Variants in KANK1 observed in about 807,000 individuals in gnomAD.
KANK1 encodes KN motif and ankyrin repeat domains 1.
In KANK1, 109 loss-of-function variants were observed where a neutral mutation model predicts 106.2. The ratio of observed to expected loss-of-function variants is 1.03; its 90% CI spans 0.88 to 1.20. The LOEUF (loss-of-function observed/expected upper bound fraction) is 1.20. Among genes scored for constraint, KANK1 ranks in the 50% most tolerant of loss-of-function variants. KANK1 has a pLI of 0.00. For synonymous variants in KANK1, 873 were observed against 652.2 expected (o/e 1.34, Z -5.16); for missense variants, 2,399 against 1,710.7 (o/e 1.40, Z -7.10).
intron 1 of KANK1, among the ~76,000 whole-genome samples, chr9:574,760 C>G (rs1340626980): frequency 6.7e-6 from 1 of 148,586 alleles, no homozygotes; most frequent in East Asian, 2.0e-4. Context: ...GAGGTTGAGG[C>G]AGGAGAATCG....
At chr9:714,141 A>G (rs936283669) in intron 3 of KANK1, among the ~76,000 whole-genome samples, 38 of 152,242 alleles carry the variant, frequency 2.5e-4, no homozygotes, top group East Asian at 1.9e-4. Context: ...TAGGCTGTGA[A>G]GATAGTGTGA....
intron 1 of KANK1, among the ~76,000 whole-genome samples, chr9:632,845 G>T (rs55688828): frequency 0.24 from 36,057 of 151,784 alleles, 4,417 homozygotes; most frequent in East Asian, 0.34. Context: ...ATGCGCCACC[G>T]CACCCGGCTA....
intron 1 of KANK1, among the ~76,000 whole-genome samples, chr9:582,770 G>C (rs1228187861): frequency 6.6e-6 from 1 of 152,198 alleles, no homozygotes; most frequent in East Asian, 1.9e-4. Flanking sequence ...TCTTCATCTA[G>C]AATTTCAGTA....
At chr9:708,232 G>A (rs1239281775) in intron 2 of KANK1, among the ~76,000 whole-genome samples, 1 of 141,158 alleles carries the variant, frequency 7.1e-6, no homozygotes, top group East Asian at 2.0e-4. Flanking sequence ...CCTGGAGACA[G>A]GTCTGGCTGC....
At chr9:706,817 C>G (rs962082787) in intron 2 of KANK1, 4 of 985,374 alleles carry the variant, frequency 4.1e-6, no homozygotes, top group Non-Finnish European at 4.8e-6. Context: ...GATTGTGCCT[C>G]TGCACCTCCT....
chr9:619,200 A>G (rs535672531), intron 1 of KANK1, among the ~76,000 whole-genome samples: 1 of 152,206 alleles, frequency 6.6e-6, no homozygotes, highest in African/African-American at 2.4e-5. Flanking sequence ...GGAGAGCTAC[A>G]GTGCTTTTGA....
chr9:716,583 C>T (rs943898073), intron 3 of KANK1, among the ~76,000 whole-genome samples: 2 of 152,108 alleles, frequency 1.3e-5, no homozygotes, highest in African/African-American at 4.8e-5. Context: ...GAATCCGTGT[C>T]AAAGCTCAAA....
At chr9:656,608 G>A (rs905175519) in intron 1 of KANK1, among the ~76,000 whole-genome samples, 9 of 152,008 alleles carry the variant, frequency 5.9e-5, no homozygotes, top group African/African-American at 2.2e-4. Flanking sequence ...CATCTCCATG[G>A]CAGATGCCCC....
At chr9:732,822 C>T in intron 6 of KANK1, 1 of 477,302 alleles carries the variant, frequency 2.1e-6, no homozygotes, top group Non-Finnish European at 3.6e-6. Flanking sequence ...GGTACCTAAT[C>T]ACCCTTGTTT....
intron 3 of KANK1, among the ~76,000 whole-genome samples, chr9:714,637 C>T (rs929484111): frequency 7.2e-5 from 11 of 152,258 alleles, no homozygotes; most frequent in African/African-American, 1.7e-4. Context: ...GGATTACAGA[C>T]ATGAGCCACC....
At chr9:510,625 C>T (rs548346522) in intron 1 of KANK1, among the ~76,000 whole-genome samples, 10 of 152,298 alleles carry the variant, frequency 6.6e-5, no homozygotes, top group Admixed American at 2.6e-4. Context: ...GGGAGAGCCC[C>T]GGTTGACCAC....
chr9:628,152 T>C (rs1047353074), intron 1 of KANK1, among the ~76,000 whole-genome samples: 1 of 152,226 alleles, frequency 6.6e-6, no homozygotes, highest in Non-Finnish European at 1.5e-5. Flanking sequence ...GGATAGCTTC[T>C]CTCCTGACTC....
At chr9:611,053 G>A (rs972287978) in intron 1 of KANK1, among the ~76,000 whole-genome samples, 1 of 152,126 alleles carries the variant, frequency 6.6e-6, no homozygotes, top group Non-Finnish European at 1.5e-5. Flanking sequence ...TTATTACTCT[G>A]GCATTATTAT....
intron 1 of KANK1, among the ~76,000 whole-genome samples, chr9:602,722 T>C (rs1291792866): frequency 6.6e-6 from 1 of 151,928 alleles, no homozygotes; most frequent in Non-Finnish European, 1.5e-5. Context: ...GTGAAGTCTT[T>C]ACGGTCAGAG....
At chr9:652,722 A>G (rs190677144) in intron 1 of KANK1, among the ~76,000 whole-genome samples, 409 of 152,370 alleles carry the variant, frequency 2.7e-3, no homozygotes, top group African/African-American at 9.5e-3. Context: ...AGGTACATAC[A>G]TGCTTATAAA....
intron 1 of KANK1, among the ~76,000 whole-genome samples, chr9:602,130 T>C (rs755744215): frequency 6.6e-6 from 1 of 152,008 alleles, no homozygotes; most frequent in Non-Finnish European, 1.5e-5. Context: ...ATGGAATAGA[T>C]TAACTTTTTG....
chr9:621,502 A>G (rs1041585194), intron 1 of KANK1, among the ~76,000 whole-genome samples: 5 of 152,222 alleles, frequency 3.3e-5, no homozygotes, highest in Admixed American at 1.3e-4. Context: ...AAAACCACAC[A>G]TACAAAAGCC....
intron 3 of KANK1, among the ~76,000 whole-genome samples, chr9:718,897 A>G (rs1417652252): frequency 6.7e-6 from 1 of 150,338 alleles, no homozygotes; most frequent in Non-Finnish European, 1.5e-5. Context: ...AATAATCTCT[A>G]CTGCCTGTTC....
intron 1 of KANK1, among the ~76,000 whole-genome samples, chr9:592,000 C>T (rs1262860863): frequency 6.6e-6 from 1 of 151,678 alleles, no homozygotes; most frequent in African/African-American, 2.4e-5. Context: ...TCCTGTTTCC[C>T]CCTCCAGCCT....
Sources: allele counts gnomAD v4.1 joint callset (sites outside exome capture counted in the v4.1 genomes callset), GRCh38; gene constraint gnomAD v4.1.1; transcripts MANE v1.5; gene names NCBI Gene and HGNC (gene_info 2026-07-23, HGNC 2026-07-21).